The following PRKCA variants were observed in gnomAD, a reference collection of about 807,000 sequenced individuals.
PRKCA encodes protein kinase C alpha type.
Under a neutral mutation model 87.0 loss-of-function variants are expected in PRKCA, and 27 were observed. The observed-to-expected ratio is 0.31, with a 90% CI of 0.23 to 0.43. PRKCA has a LOEUF of 0.43. Among genes scored for constraint, PRKCA ranks in the 20% least tolerant of loss-of-function variants. The pLI, the probability that PRKCA is intolerant of heterozygous loss-of-function variation, is 1.00. For synonymous variants in PRKCA, 329 were observed against 311.1 expected, an observed-to-expected ratio of 1.06 and a Z score of -0.61; for missense variants, 518 against 852.3, an observed-to-expected ratio of 0.61 and a Z score of 4.88.
rs1258415632 is a variant in PRKCA at position 66,803,290 on chromosome 17, A to C, written c.1855-583A>C. 1.3e-5 allele frequency among the ~76,000 whole-genome samples: 2 copies of C among 152,208 alleles called. No homozygotes were observed. The highest frequency in any genetic ancestry group is 4.8e-5 in the African/African-American group (2 of 41,452). Reference sequence around the variant, plus strand: ...AGGTGTGCTAAATCCTAGCTGGGCCAGGTGCAAATCTCCCAGCCTTGCCGC... The same window carrying C: ...AGGTGTGCTAAATCCTAGCTGGGCCCGGTGCAAATCTCCCAGCCTTGCCGC... On this transcript the variant is annotated intron_variant, in intron 16 of 16. Coordinates refer to ENST00000413366, the MANE Select transcript of PRKCA (RefSeq NM_002737.3). The surrounding 1 kb of genome is among the most constrained non-coding windows in gnomAD (Gnocchi z 4.4).
intron 3 of PRKCA, among the ~76,000 whole-genome samples, chr17:66,567,201 A>C (rs972518459): frequency 1.3e-5 from 2 of 152,114 alleles, no homozygotes; most frequent in Admixed American, 6.5e-5. Context: ...CTGCCACAGG[A>C]ATATAAGGTA....
At chr17:66,780,675 C>CA (rs1042127687) in intron 14 of PRKCA, among the ~76,000 whole-genome samples, 10 of 149,956 alleles carry the variant, frequency 6.7e-5, no homozygotes, top group African/African-American at 2.2e-4. Flanking sequence ...GACTTAGTCT[C>CA]AAAAAAAAGA....
intron 8 of PRKCA, among the ~76,000 whole-genome samples, chr17:66,714,703 GTGT>G (rs1458700672): frequency 6.6e-6 from 1 of 152,228 alleles, no homozygotes; most frequent in Non-Finnish European, 1.5e-5. Context: ...GAGAAAGGGA[GTGT>G]TGACCCATTT....
At chr17:66,755,651 G>A (rs2144277088) in intron 13 of PRKCA, among the ~76,000 whole-genome samples, 1 of 152,330 alleles carries the variant, frequency 6.6e-6, no homozygotes, top group South Asian at 2.1e-4. Context: ...CACCTTGCAA[G>A]CCAGTATTGT....
chr17:66,347,468 G>C (rs1339914479), intron 2 of PRKCA, among the ~76,000 whole-genome samples: 1 of 152,200 alleles, frequency 6.6e-6, no homozygotes, highest in Non-Finnish European at 1.5e-5. Context: ...CTCAAAGGTT[G>C]GTTGCAAGGT....
chr17:66,306,157 A>G (rs1310321695), intron 2 of PRKCA, 30 bp downstream of exon 2: 1 of 1,599,458 alleles, frequency 6.3e-7, no homozygotes, highest in Non-Finnish European at 8.6e-7. Flanking sequence ...TTTATTTTCA[A>G]GCACAACATG....
chr17:66,335,744 T>G (rs1906623089), intron 2 of PRKCA, among the ~76,000 whole-genome samples: 2 of 152,228 alleles, frequency 1.3e-5, no homozygotes, highest in Non-Finnish European at 2.9e-5. Flanking sequence ...CCATTTTATT[T>G]TTAGCCACTG....
chr17:66,592,025 C>T (rs1969822491), intron 3 of PRKCA, among the ~76,000 whole-genome samples: 1 of 152,018 alleles, frequency 6.6e-6, no homozygotes, highest in African/African-American at 2.4e-5. Context: ...GGATCAACAT[C>T]AGAGTAAATT....
chr17:66,468,660 C>G (rs1042775431), intron 2 of PRKCA, among the ~76,000 whole-genome samples: 1 of 152,078 alleles, frequency 6.6e-6, no homozygotes, highest in Non-Finnish European at 1.5e-5. Context: ...CTGAAACCAG[C>G]TAACTATGGC....
intron 2 of PRKCA, among the ~76,000 whole-genome samples, chr17:66,383,399 A>G (rs1468502189): frequency 6.8e-6 from 1 of 147,196 alleles, no homozygotes; most frequent in Non-Finnish European, 1.5e-5. Context: ...GGAAAAGCCT[A>G]TTTTTTTTTT....
chr17:66,453,206 G>A (rs1339472203), intron 2 of PRKCA, among the ~76,000 whole-genome samples: 1 of 152,208 alleles, frequency 6.6e-6, no homozygotes, highest in East Asian at 1.9e-4. Flanking sequence ...CTGGGGTAAG[G>A]CAGGCATTGG....
chr17:66,595,442 C>G (rs1020843868), intron 3 of PRKCA, among the ~76,000 whole-genome samples: 9 of 143,400 alleles, frequency 6.3e-5, no homozygotes, highest in African/African-American at 2.4e-4. Flanking sequence ...TGCAAAAACT[C>G]TATTTTATTT....
rs1175971085 is a variant in PRKCA, at chr17:66,695,612, AT to A, written c.918+6567del. Among the ~76,000 whole-genome samples the A allele has an allele frequency of 2.0e-5, 3 of 152,208 alleles. No homozygotes were observed. In the East Asian group the frequency reaches 5.8e-4, roughly 29 times the overall value. On this transcript the variant is annotated intron_variant, in intron 8 of 16. Transcript: ENST00000413366. ...GTTCATCATTTAAAAAACAGAGCAA[AT>A]TAAGAAGCTAAAAGCGCCTTGGCCT...
intron 5 of PRKCA, among the ~76,000 whole-genome samples, chr17:66,661,586 G>T (rs1971905508): frequency 6.6e-6 from 1 of 152,178 alleles, no homozygotes. Context: ...TCCTGGCCTG[G>T]CTGGTCTCCA....
intron 2 of PRKCA, among the ~76,000 whole-genome samples, chr17:66,477,809 C>T (rs765071420): frequency 2.6e-5 from 4 of 152,192 alleles, no homozygotes; most frequent in Non-Finnish European, 5.9e-5. Flanking sequence ...GTGTAACCAT[C>T]GGCACAGTCC....
At chr17:66,429,329 G>A (rs186455645) in intron 2 of PRKCA, among the ~76,000 whole-genome samples, 47 of 152,266 alleles carry the variant, frequency 3.1e-4, no homozygotes, top group African/African-American at 1.1e-3. Flanking sequence ...TTTCATGAAC[G>A]TAATACATGT....
In PRKCA at chr17:66,807,152, T is replaced by G. The variant is rs1307906213; in HGVS notation, c.*3115T>G. The G allele has an allele frequency of 1.3e-5, 2 of 152,330 alleles. No homozygotes were observed. The highest frequency in any genetic ancestry group is 2.9e-5 in the Non-Finnish European group (2 of 68,136). The allele number at this position is 152,330 out of a possible 1,614,324, so 9.4% of individuals were successfully genotyped here. A position where few individuals can be genotyped will look rare whatever the true frequency, so the allele number is the denominator to read the frequency against. ...AGCCACGCAGGAGGTCCCTGGGGGA[T>G]GCTTTGGGAAGTCCTTGCCCCTGAG... On this transcript the variant is annotated 3_prime_UTR_variant, in exon 17 of 17. Transcript: ENST00000413366. The surrounding 1 kb of genome is among the most constrained non-coding windows in gnomAD (Gnocchi z 4.3).
intron 3 of PRKCA, among the ~76,000 whole-genome samples, chr17:66,499,605 G>A (rs1328292483): frequency 2.0e-5 from 3 of 152,042 alleles, no homozygotes; most frequent in East Asian, 3.9e-4. Flanking sequence ...CATAGGGCCT[G>A]GAGCCAGGTA....
In PRKCA at chr17:66,396,056, G is replaced by GTTT. The variant is rs10640308; in HGVS notation, c.205+89939_205+89941dup. Among the ~76,000 whole-genome samples the GTTT allele has an allele frequency of 2.5e-3, 376 of 148,936 alleles. 3 individuals carry two copies. The highest frequency in any genetic ancestry group is 5.1e-3 in the South Asian group (24 of 4,740). ...GCATTATTTCAATATGGGTTTAACTGTTTTTTTTTTTTAATTGAATATTGT... is the reference window on the plus strand; with the variant it reads ...GCATTATTTCAATATGGGTTTAACTGTTTTTTTTTTTTTTTAATTGAATATTGT... On this transcript the variant is annotated intron_variant, in intron 2 of 16. Coordinates refer to ENST00000413366, the MANE Select transcript of PRKCA (RefSeq NM_002737.3).
Sources: gnomAD v4.1 joint callset for allele counts (sites outside exome capture counted in the v4.1 genomes callset) on GRCh38, gnomAD v4.1.1 for gene constraint, Gnocchi (gnomAD v3.1) non-coding constraint, MANE v1.5 for transcripts, NCBI Gene and HGNC (gene_info 2026-07-23, HGNC 2026-07-21) for gene names.